TENM3: variants seen among roughly 807,000 people sequenced by gnomAD.
TENM3 encodes teneurin-3.
A neutral mutation model predicts 255.1 loss-of-function variants in TENM3; 63 were observed. That is an observed-to-expected ratio of 0.25 (90% CI 0.20 to 0.30). TENM3 has a LOEUF of 0.30. Among genes scored for constraint, TENM3 ranks in the 10% least tolerant of loss-of-function variants. The pLI, the probability that TENM3 is intolerant of heterozygous loss-of-function variation, is 1.00. For missense variants in TENM3, 2,929 were observed against 3,461.1 expected, an observed-to-expected ratio of 0.85 and a Z score of 3.86; for synonymous variants, 1,306 against 1,322.3, an observed-to-expected ratio of 0.99 and a Z score of 0.27.
the TENM3 span, among the ~76,000 whole-genome samples, chr4:182,053,270 T>C: frequency 2.0e-5 from 3 of 152,208 alleles, no homozygotes; most frequent in Admixed American, 1.3e-4. Flanking sequence ...CTCATTTGTT[T>C]CTAACACGAG....
chr4:181,825,129 G>A, the TENM3 span, among the ~76,000 whole-genome samples: 256 of 152,286 alleles, frequency 1.7e-3, 1 homozygote, highest in Non-Finnish European at 3.2e-3. Flanking sequence ...CAGGCTGGAC[G>A]CGGTGGCTCA....
chr4:182,406,431 A>T (rs1267355946), intron 3 of TENM3, among the ~76,000 whole-genome samples: 2 of 152,262 alleles, frequency 1.3e-5, no homozygotes. Context: ...ATTTCAAAAG[A>T]AGAATTAGTC....
At chr4:182,500,392 G>A (rs1371229897) in intron 3 of TENM3, among the ~76,000 whole-genome samples, 1 of 152,006 alleles carries the variant, frequency 6.6e-6, no homozygotes, top group Admixed American at 6.6e-5. Flanking sequence ...AGCTAACAAC[G>A]AGAAAAATGG....
At chr4:181,496,831 C>T in the TENM3 span, among the ~76,000 whole-genome samples, 10 of 152,312 alleles carry the variant, frequency 6.6e-5, no homozygotes, top group East Asian at 1.7e-3. Flanking sequence ...ATGACACTCA[C>T]ATATTACCCT....
intron 1 of TENM3, among the ~76,000 whole-genome samples, chr4:182,147,562 T>G (rs1750054155): frequency 6.6e-6 from 1 of 152,224 alleles, no homozygotes; most frequent in African/African-American, 2.4e-5. Context: ...TGTGATGAAT[T>G]GTCTGCCCTT....
chr4:182,105,856 A>G, the TENM3 span, among the ~76,000 whole-genome samples: 1 of 152,224 alleles, frequency 6.6e-6, no homozygotes, highest in Non-Finnish European at 1.5e-5. Context: ...GAATGGGATG[A>G]TGAGGAATTA....
At position 182,785,477 on chromosome 4, in the gene TENM3, G is replaced by T. The variant is rs538430744; in HGVS notation, c.5305-3616G>T. ...AGTCCCAGCACTTTGGGAGGCTGAG[G>T]CGGGTGGATCACCTAAGCCCAGGAG... On this transcript the variant is annotated intron_variant, in intron 24 of 27. Transcript: ENST00000511685. Among the ~76,000 whole-genome samples, 389 of 151,846 alleles carry T rather than the reference G, an allele frequency of 2.6e-3. 9 individuals are homozygous for T. The highest frequency in any genetic ancestry group is 7.8e-4 in the East Asian group (4 of 5,114).
rs758682529 is a variant in TENM3, at chr4:182,792,450, G to A, written c.5778G>A (p.Thr1926=). The A allele has an allele frequency of 6.8e-6, 11 of 1,613,858 alleles. No homozygotes were observed. The highest frequency in any genetic ancestry group is 6.7e-5 in the East Asian group (3 of 44,890). Residue 1926 remains threonine (T), a synonymous_variant, in exon 26 of 28, where the codon ACG becomes ACA. Transcript: ENST00000511685. The surrounding 1 kb of genome is among the most constrained non-coding windows in gnomAD (Gnocchi z 6.3). ...NPPESNASII[T]DYNEEGLLLQ... is the part of the protein sequence containing the mutation. The stretch of plus-strand genomic sequence containing the variant: ...CGGAAAGCAACGCCTCCATCATCAC[G>A]GACTACAACGAGGAAGGGCTGCTTC...
At chr4:181,827,980 A>C in the TENM3 span, among the ~76,000 whole-genome samples, 1 of 152,166 alleles carries the variant, frequency 6.6e-6, no homozygotes, top group Non-Finnish European at 1.5e-5. Flanking sequence ...AAGGGATATC[A>C]TCTTCCGTAT....
intron 12 of TENM3, among the ~76,000 whole-genome samples, chr4:182,707,306 G>A (rs1758353873): frequency 6.6e-6 from 1 of 152,186 alleles, no homozygotes; most frequent in Admixed American, 6.5e-5. Flanking sequence ...TGAGGCAACA[G>A]CATGAAGATA....
At chr4:182,579,794 T>C (rs1406803222) in intron 3 of TENM3, among the ~76,000 whole-genome samples, 1 of 152,224 alleles carries the variant, frequency 6.6e-6, no homozygotes, top group Non-Finnish European at 1.5e-5. Flanking sequence ...TAAAGCAAAG[T>C]TGTTACAGGA....
At chr4:181,463,732 T>A in the TENM3 span, among the ~76,000 whole-genome samples, 3 of 152,136 alleles carry the variant, frequency 2.0e-5, no homozygotes, top group African/African-American at 7.2e-5. Context: ...TGTGCAACCA[T>A]CATCCATATC....
At chr4:182,274,690 G>T (rs771758305) in intron 1 of TENM3, among the ~76,000 whole-genome samples, 2 of 152,166 alleles carry the variant, frequency 1.3e-5, no homozygotes, top group African/African-American at 2.4e-5. Context: ...GAGGTCATTT[G>T]ACTTTGTATT....
At chr4:182,105,485 TCA>T in the TENM3 span, among the ~76,000 whole-genome samples, 1 of 152,128 alleles carries the variant, frequency 6.6e-6, no homozygotes, top group African/African-American at 2.4e-5. Context: ...CTACAGGGAC[TCA>T]CAGAGCTCAC....
At chr4:181,979,009 G>C in the TENM3 span, among the ~76,000 whole-genome samples, 2 of 146,938 alleles carry the variant, frequency 1.4e-5, no homozygotes, top group African/African-American at 2.5e-5. Context: ...TCTGTAAAAG[G>C]AGAAATATTC....
intron 5 of TENM3, among the ~76,000 whole-genome samples, chr4:182,651,965 T>G (rs1265771237): frequency 2.0e-5 from 3 of 152,242 alleles, no homozygotes; most frequent in Non-Finnish European, 4.4e-5. Context: ...CAACTGCTTT[T>G]CAGACAGCAT....
At chr4:181,646,514 C>T in the TENM3 span, among the ~76,000 whole-genome samples, 1 of 152,186 alleles carries the variant, frequency 6.6e-6, no homozygotes, top group Non-Finnish European at 1.5e-5. Flanking sequence ...CTGCAGCTTA[C>T]TGTGAGTTTT....
the TENM3 span, among the ~76,000 whole-genome samples, chr4:181,642,000 C>T: frequency 2.0e-5 from 3 of 150,990 alleles, no homozygotes; most frequent in African/African-American, 7.3e-5. Flanking sequence ...AATGGGATTG[C>T]TGGGTCAAAT....
intron 1 of TENM3, among the ~76,000 whole-genome samples, chr4:182,275,538 A>C (rs1759941310): frequency 6.6e-6 from 1 of 152,168 alleles, no homozygotes; most frequent in South Asian, 2.1e-4. Flanking sequence ...AGTGGAAATA[A>C]AGATCCTTGT....
Sources: gnomAD v4.1 joint callset for allele counts (sites outside exome capture counted in the v4.1 genomes callset) on GRCh38, gnomAD v4.1.1 for gene constraint, Gnocchi (gnomAD v3.1) non-coding constraint, MANE v1.5 for transcripts, NCBI Gene and HGNC (gene_info 2026-07-23, HGNC 2026-07-21) for gene names.